SLC35F1: variants seen among roughly 807,000 people sequenced by gnomAD.
SLC35F1 encodes chromosome 6 open reading frame 169.
In SLC35F1, 14 loss-of-function variants were observed where a neutral mutation model predicts 48.7. That is an observed-to-expected ratio of 0.29 (90% CI 0.19 to 0.45). The LOEUF (loss-of-function observed/expected upper bound fraction) is 0.45, where lower values mean the gene tolerates loss of function less well. Among genes scored for constraint, SLC35F1 ranks in the 20% least tolerant of loss-of-function variants. The pLI, the probability that SLC35F1 is intolerant of heterozygous loss-of-function variation, is 1.00. For synonymous variants in SLC35F1, 190 were observed against 202.2 expected, an observed-to-expected ratio of 0.94 and a Z score of 0.51; for missense variants, 404 against 500.0, an observed-to-expected ratio of 0.81 and a Z score of 1.83.
rs74871046 is a variant in SLC35F1 at position 118,097,982 on chromosome 6, A to G, written c.174-56463A>G. 1.4e-3 allele frequency among the ~76,000 whole-genome samples: 210 copies of G among 152,272 alleles called. 1 individual carries two copies. The highest frequency in any genetic ancestry group is 4.9e-3 in the African/African-American group (203 of 41,552). On this transcript the variant is annotated intron_variant, in intron 1 of 7. Coordinates refer to ENST00000360388, the MANE Select transcript of SLC35F1 (RefSeq NM_001029858.4). The stretch of plus-strand genomic sequence containing the variant: ...ATGGCTGTATATCTCCTCTGCTCTG[A>G]GCTCTGATGCAACATGAATAGAAAA...
chr6:117,923,752 T>TATGTACATATACAC (rs1554216757), intron 1 of SLC35F1, among the ~76,000 whole-genome samples: 1 of 57,006 alleles, frequency 1.8e-5, no homozygotes, highest in Non-Finnish European at 3.9e-5. Context: ...TATATGTACA[T>TATGTACATATACAC]ATATACATAT....
At chr6:118,111,179 G>A (rs1225384318) in intron 1 of SLC35F1, among the ~76,000 whole-genome samples, 1 of 152,102 alleles carries the variant, frequency 6.6e-6, no homozygotes, top group African/African-American at 2.4e-5. Context: ...AATTTTTGAA[G>A]TAATGATGGC....
Position 118,159,821 on chromosome 6 carries a change from C to T in SLC35F1, c.349+5201C>T, listed in dbSNP as rs984552121. On this transcript the variant is annotated intron_variant, in intron 2 of 7. Transcript: ENST00000360388. ...TTCTCTTGTCTGTTATGACAAAAAT[C>T]GTGCTGCTTCCCAGAGCTACCTTTA... is the stretch of plus-strand genomic sequence containing the variant. Among the ~76,000 whole-genome samples the T allele has an allele frequency of 5.3e-5, 8 of 152,202 alleles. No homozygotes were observed. The East Asian group carries it at 1.5e-3, about 29-fold the overall frequency.
At chr6:117,972,184 C>T (rs1390632964) in intron 1 of SLC35F1, among the ~76,000 whole-genome samples, 1 of 152,190 alleles carries the variant, frequency 6.6e-6, no homozygotes, top group Admixed American at 6.5e-5. Flanking sequence ...CCACCAGTCT[C>T]TTTGCATTGC....
intron 1 of SLC35F1, among the ~76,000 whole-genome samples, chr6:117,959,144 T>C (rs894163930): frequency 1.3e-5 from 2 of 152,194 alleles, no homozygotes; most frequent in African/African-American, 4.8e-5. Context: ...AGGGCTGTTA[T>C]GAGATCTATC....
At chr6:117,919,549 A>T (rs1014334429) in intron 1 of SLC35F1, among the ~76,000 whole-genome samples, 9 of 152,008 alleles carry the variant, frequency 5.9e-5, no homozygotes, top group African/African-American at 2.2e-4. Context: ...AGTGACTTTG[A>T]TGCATAGTCC....
intron 1 of SLC35F1, among the ~76,000 whole-genome samples, chr6:117,921,970 A>C (rs534133127): frequency 7.1e-4 from 108 of 152,206 alleles, no homozygotes; most frequent in Non-Finnish European, 1.3e-3. Context: ...ACAACAACAA[A>C]AAAAGATTTC....
chr6:118,238,699 C>G (rs1044395990), intron 3 of SLC35F1, among the ~76,000 whole-genome samples: 1 of 152,036 alleles, frequency 6.6e-6, no homozygotes, highest in Non-Finnish European at 1.5e-5. Context: ...CAATGAGAGA[C>G]AGAAAAGATG....
chr6:118,115,508 GTC>G (rs756496726), intron 1 of SLC35F1, among the ~76,000 whole-genome samples: 1 of 152,146 alleles, frequency 6.6e-6, no homozygotes, highest in Non-Finnish European at 1.5e-5. Context: ...AACATCAATT[GTC>G]TTTTGGGGGG....
At chr6:118,038,733 T>C (rs758359463) in intron 1 of SLC35F1, among the ~76,000 whole-genome samples, 15 of 152,092 alleles carry the variant, frequency 9.9e-5, no homozygotes, top group Non-Finnish European at 1.5e-4. Flanking sequence ...GTGTGTCTTC[T>C]GCCTCAGCCT....
At chr6:118,202,295 A>G (rs1344041162) in intron 2 of SLC35F1, among the ~76,000 whole-genome samples, 1 of 151,924 alleles carries the variant, frequency 6.6e-6, no homozygotes, top group Non-Finnish European at 1.5e-5. Flanking sequence ...AGGAGTTTAA[A>G]AGCAGTCTGG....
chr6:118,173,385 T>TAAA (rs571653145), intron 2 of SLC35F1, among the ~76,000 whole-genome samples: 36 of 129,360 alleles, frequency 2.8e-4, no homozygotes, highest in African/African-American at 1.1e-3. Flanking sequence ...AAGAGTTAGT[T>TAAA]AAAAAAAAAA....
At chr6:117,991,823 G>A (rs4113075) in intron 1 of SLC35F1, among the ~76,000 whole-genome samples, 94,378 of 151,826 alleles carry the variant, frequency 0.62, 29,942 homozygotes, top group East Asian at 0.81. Context: ...TACTTTTTTG[G>A]TTAGTACTGG....
chr6:118,084,391 AT>A (rs1334573269), intron 1 of SLC35F1, among the ~76,000 whole-genome samples: 1 of 152,014 alleles, frequency 6.6e-6, no homozygotes, highest in African/African-American at 2.4e-5. Flanking sequence ...TTTGCCTGTA[AT>A]TTTCCACATG....
intron 6 of SLC35F1, among the ~76,000 whole-genome samples, chr6:118,284,494 G>A (rs879857237): frequency 1.7e-4 from 26 of 152,118 alleles, no homozygotes; most frequent in Non-Finnish European, 2.5e-4. Context: ...TGAGAGATTG[G>A]CCACATAGTA....
At chr6:118,306,389 G>A (rs145532668) in intron 7 of SLC35F1, among the ~76,000 whole-genome samples, 1 of 152,284 alleles carries the variant, frequency 6.6e-6, no homozygotes, top group Admixed American at 6.5e-5. Flanking sequence ...AAGTCTCTGG[G>A]ATCTGTTGAG....
At chr6:118,118,312 T>C (rs1385401812) in intron 1 of SLC35F1, among the ~76,000 whole-genome samples, 1 of 152,208 alleles carries the variant, frequency 6.6e-6, no homozygotes, top group East Asian at 1.9e-4. Context: ...TGAATAATAC[T>C]TTAATTTTAA....
intron 1 of SLC35F1, among the ~76,000 whole-genome samples, chr6:118,148,781 A>G (rs934358991): frequency 6.6e-6 from 1 of 152,216 alleles, no homozygotes; most frequent in East Asian, 1.9e-4. Flanking sequence ...AACCGGCACC[A>G]TATTTAGCAT....
Position 118,316,321 on chromosome 6 carries a change from A to G in SLC35F1, c.*2069A>G, listed in dbSNP as rs1256816131. On this transcript the variant is annotated 3_prime_UTR_variant, in exon 8 of 8. Coordinates refer to ENST00000360388, the MANE Select transcript of SLC35F1 (RefSeq NM_001029858.4). ...ATGTTTTATTTTCCATGGGGAAAAT[A>G]TCAGCGTTAAAGCTCTATCAAATCA... 1.3e-5 allele frequency: 2 copies of G among 152,674 alleles called. No homozygotes were observed. Among genetic ancestry groups the G allele is most frequent in the Non-Finnish European group, 2.9e-5 (2 of 68,050 alleles). 9.5% of individuals were successfully genotyped at this position (152,674 alleles called of 1,614,324 possible).
Sources: gnomAD v4.1 joint callset for allele counts (sites outside exome capture counted in the v4.1 genomes callset) on GRCh38, gnomAD v4.1.1 for gene constraint, MANE v1.5 for transcripts, NCBI Gene and HGNC (gene_info 2026-07-23, HGNC 2026-07-21) for gene names.